Variants in VPS13A observed in about 807,000 individuals in gnomAD.
VPS13A encodes intermembrane lipid transfer protein VPS13A.
In VPS13A, 264 loss-of-function variants were observed where a neutral mutation model predicts 390.9. The observed-to-expected ratio is 0.68, with a 90% confidence interval of 0.61 to 0.75. VPS13A has a LOEUF of 0.75. VPS13A is among the 30% of genes least tolerant of loss of function. VPS13A has a pLI of 0.00. For missense variants in VPS13A, 3,409 were observed against 3,733.9 expected (o/e 0.91, Z 2.27); for synonymous variants, 1,231 against 1,227.1 (o/e 1.00, Z -0.07).
At chr9:77,357,615 A>C (rs558828619) in intron 55 of VPS13A, 77 bp from the exon 56 acceptor site, 1 of 1,474,818 alleles carries the variant, frequency 6.8e-7, no homozygotes, top group Admixed American at 2.0e-5. Context: ...TGTTTTAAAA[A>C]GTTTTTGGCA....
chr9:77,372,644 G>T (rs1346233863), intron 67 of VPS13A, among the ~76,000 whole-genome samples: 4 of 152,038 alleles, frequency 2.6e-5, no homozygotes, highest in South Asian at 2.1e-4. Context: ...GGGCAATTAG[G>T]CAGGAGAAGG....
In VPS13A at chr9:77,281,850, G is replaced by C; in HGVS notation, c.2905-17G>C. 1 of 1,574,920 alleles carries C rather than the reference G, an allele frequency of 6.3e-7. No homozygotes were observed. The highest frequency in any genetic ancestry group is 8.7e-7 in the Non-Finnish European group (1 of 1,145,984). ...CTTCCTAACGTGTTCTAACAGATTTGTTTTCTCTTTGGATAGGCTGAAAAG... is the reference window on the plus strand; with the variant it reads ...CTTCCTAACGTGTTCTAACAGATTTCTTTTCTCTTTGGATAGGCTGAAAAG... On this transcript the variant is annotated splice_polypyrimidine_tract_variant and intron_variant, in intron 27 of 71. Coordinates refer to ENST00000360280, the MANE Select transcript of VPS13A (RefSeq NM_033305.3).
At chr9:77,216,118 G>C (rs555012206) in intron 10 of VPS13A, among the ~76,000 whole-genome samples, 1 of 152,134 alleles carries the variant, frequency 6.6e-6, no homozygotes, top group South Asian at 2.1e-4. Context: ...CTCCTGCAGT[G>C]TCTCTCCAGT....
At position 77,282,326 on chromosome 9, in the gene VPS13A, G is replaced by T. The variant is rs745526700; in HGVS notation, c.3118+52G>T. 2.6e-6 allele frequency: 4 copies of T among 1,516,166 alleles called. No homozygotes were observed. The South Asian group carries it at 3.5e-5, about 13-fold the overall frequency. 93.9% of individuals were successfully genotyped at this position (1,516,166 alleles called of 1,614,324 possible). On this transcript the variant is annotated intron_variant, in intron 29 of 71. Transcript: ENST00000360280. ...ACTTTTTTTTTTTTTAACCATGTAGGTCAATAAATCTAGACCCTGACTTTA... is the reference window on the plus strand; with the variant it reads ...ACTTTTTTTTTTTTTAACCATGTAGTTCAATAAATCTAGACCCTGACTTTA...
intron 34 of VPS13A, among the ~76,000 whole-genome samples, chr9:77,306,008 G>A (rs974789380): frequency 1.3e-5 from 2 of 152,108 alleles, no homozygotes; most frequent in Non-Finnish European, 2.9e-5. Context: ...ATACTAACTG[G>A]AAGACATGGT....
At chr9:77,263,045 C>T (rs1825844947) in intron 23 of VPS13A, among the ~76,000 whole-genome samples, 1 of 152,126 alleles carries the variant, frequency 6.6e-6, no homozygotes, top group South Asian at 2.1e-4. Context: ...TTTACACTCC[C>T]ACCAGCAGTG....
intron 44 of VPS13A, 55 bp downstream of exon 44, chr9:77,321,801 A>G: frequency 6.3e-7 from 1 of 1,594,126 alleles, no homozygotes; most frequent in African/African-American, 1.3e-5. Context: ...ATTACAATTT[A>G]CATGTTATTT....
intron 62 of VPS13A, among the ~76,000 whole-genome samples, chr9:77,368,580 A>G (rs780935221): frequency 6.6e-6 from 1 of 152,082 alleles, no homozygotes; most frequent in African/African-American, 2.4e-5. Flanking sequence ...AGAGTATCTG[A>G]TATAGCTGTG....
chr9:77,216,212 G>A (rs1297083584), intron 10 of VPS13A, among the ~76,000 whole-genome samples: 1 of 152,124 alleles, frequency 6.6e-6, no homozygotes. Flanking sequence ...GCCTTCAAAG[G>A]AAACATATTT....
At chr9:77,223,929 T>C (rs1255094100) in intron 13 of VPS13A, among the ~76,000 whole-genome samples, 3 of 152,186 alleles carry the variant, frequency 2.0e-5, no homozygotes, top group African/African-American at 7.2e-5. Flanking sequence ...AAGGACAGGC[T>C]GACTCTCTTG....
intron 37 of VPS13A, 47 bp from the exon 38 acceptor site, chr9:77,315,206 C>A: frequency 6.6e-7 from 1 of 1,525,726 alleles, no homozygotes; most frequent in Non-Finnish European, 9.1e-7. Flanking sequence ...TGTTTGATTA[C>A]TTCTAAGTTA....
chr9:77,285,278 G>A (rs1222349951), intron 31 of VPS13A, among the ~76,000 whole-genome samples: 1 of 152,106 alleles, frequency 6.6e-6, no homozygotes, highest in African/African-American at 2.4e-5. Context: ...ATATATTATT[G>A]TGCCAGTTTT....
chr9:77,408,774 G>C (rs1461697473), intron 71 of VPS13A, among the ~76,000 whole-genome samples: 4 of 152,248 alleles, frequency 2.6e-5, no homozygotes, highest in Admixed American at 6.5e-5. Context: ...GCCCAGGCTT[G>C]AGTAGCTAAA....
intron 23 of VPS13A, among the ~76,000 whole-genome samples, chr9:77,262,543 C>T (rs1018661451): frequency 6.6e-6 from 1 of 152,118 alleles, no homozygotes; most frequent in African/African-American, 2.4e-5. Flanking sequence ...ATCAACCCGT[C>T]ATCTACATTA....
intron 71 of VPS13A, among the ~76,000 whole-genome samples, chr9:77,413,841 T>C (rs2131672137): frequency 6.6e-6 from 1 of 152,178 alleles, no homozygotes; most frequent in South Asian, 2.1e-4. Context: ...TGCAATCTAC[T>C]CATCTGACAA....
intron 16 of VPS13A, 114 bp downstream of exon 16, chr9:77,227,599 A>G: frequency 1.2e-6 from 1 of 802,250 alleles, no homozygotes; most frequent in South Asian, 1.6e-5. Flanking sequence ...CTCTGCTGCC[A>G]GCCTTAACCT....
At chr9:77,347,580 G>GA (rs1207749598) in intron 52 of VPS13A, among the ~76,000 whole-genome samples, 1 of 152,070 alleles carries the variant, frequency 6.6e-6, no homozygotes, top group Non-Finnish European at 1.5e-5. Context: ...AGGCTCAAGT[G>GA]ATTCTCATGC....
Position 77,403,285 on chromosome 9 carries a change from T to C in VPS13A, c.9239T>C (p.Met3080Thr), listed in dbSNP as rs1482976034. 1.2e-6 allele frequency: 2 copies of C among 1,612,526 alleles called. No individual in the cohort carries two copies. The highest frequency in any genetic ancestry group is 1.7e-6 in the Non-Finnish European group (2 of 1,179,700). Reference sequence around the variant, plus strand: ...AAATACAAATATTTTACCCATGTCATGATCAATAAGACAGATATGCTAATG... The same window carrying C: ...AAATACAAATATTTTACCCATGTCACGATCAATAAGACAGATATGCTAATG... Reference protein sequence around the residue: ...FAKYKYFTHVMINKTDMLMIT... With the variant: ...FAKYKYFTHVTINKTDMLMIT... The change falls in exon 69 of 72, where the codon ATG becomes ACG. Residue 3080 changes from methionine to threonine, a missense_variant. By Grantham distance (81) the Met-to-Thr change is moderately conservative. Transcript: ENST00000360280.
intron 1 of VPS13A, among the ~76,000 whole-genome samples, chr9:77,183,894 A>G (rs970541253): frequency 6.6e-6 from 1 of 152,240 alleles, no homozygotes; most frequent in African/African-American, 2.4e-5. Flanking sequence ...AATACCATTA[A>G]TATTTAACCA....
Sources: allele counts gnomAD v4.1 joint callset (sites outside exome capture counted in the v4.1 genomes callset), GRCh38; gene constraint gnomAD v4.1.1; transcripts MANE v1.5; gene names NCBI Gene and HGNC (gene_info 2026-07-23, HGNC 2026-07-21).